MAP2K3: variants seen among roughly 807,000 people sequenced by gnomAD.
MAP2K3 encodes the protein mitogen-activated protein kinase kinase 3, also known as dual specificity mitogen-activated protein kinase kinase 3.
Under a neutral mutation model 46.4 loss-of-function variants are expected in MAP2K3, and 30 were observed. That is an observed-to-expected ratio of 0.65 (90% CI 0.48 to 0.88). The LOEUF is 0.88. Ranked by LOEUF, MAP2K3 falls within the 40% of genes least tolerant of loss-of-function variation. The pLI is 0.00. For missense variants in MAP2K3, 380 were observed against 464.5 expected (o/e 0.82, Z 1.67); for synonymous variants, 189 against 176.3 (o/e 1.07, Z -0.57).
At chr17:21,306,858 T>C (rs1976912589) in intron 9 of MAP2K3, among the ~76,000 whole-genome samples, 3 of 152,426 alleles carry the variant, frequency 2.0e-5, no homozygotes, top group Middle Eastern at 3.4e-3. Flanking sequence ...TCATCGCAGC[T>C]CACTGCAGCC....
rs1225524972 is a variant in MAP2K3 at position 21,300,817 on chromosome 17, G to A, written c.280-57G>A. 2 of 1,613,060 alleles carry A rather than the reference G, an allele frequency of 1.2e-6. No individual in the cohort carries two copies. Among genetic ancestry groups the A allele is most frequent in the African/African-American group, 2.7e-5 (2 of 74,964 alleles). ...CCTGAGCTCCTGGCCCTCCTGTCAT[G>A]AGTGTGGGTGTTGGCCTCTGCCACG... is the stretch of plus-strand genomic sequence containing the variant. On this transcript the variant is annotated intron_variant, in intron 4 of 11. Transcript: ENST00000342679.
rs1484915661 is a variant in MAP2K3 at position 21,314,631 on chromosome 17, G to A, written c.*401G>A. ...AAGTTGTATATTTTTTTAATCTCTC[G>A]ACTGAATGGACTTTGCACACTTTGG... On this transcript the variant is annotated 3_prime_UTR_variant, in exon 12 of 12. Coordinates refer to ENST00000342679, the MANE Select transcript of MAP2K3 (RefSeq NM_145109.3). The A allele has an allele frequency of 9.7e-6, 2 of 205,664 alleles. No homozygotes were observed. Among genetic ancestry groups the A allele is most frequent in the East Asian group, 2.6e-4 (2 of 7,588 alleles). The allele number at this position is 205,664 out of a possible 1,614,324, so 12.7% of individuals were successfully genotyped here.
chr17:21,298,512 C>A, intron 2 of MAP2K3, 33 bp downstream of exon 2: 1 of 1,614,272 alleles, frequency 6.2e-7, no homozygotes, highest in South Asian at 1.1e-5. Context: ...CTGGCTCACC[C>A]TGGAGAGGCT....
chr17:21,308,782 A>C (rs1977023814), intron 9 of MAP2K3, among the ~76,000 whole-genome samples: 1 of 152,076 alleles, frequency 6.6e-6, no homozygotes, highest in African/African-American at 2.4e-5. Context: ...ACACATACAC[A>C]CACCCTATGT....
intron 1 of MAP2K3, among the ~76,000 whole-genome samples, chr17:21,291,067 C>T (rs1975894978): frequency 6.6e-6 from 1 of 152,308 alleles, no homozygotes; most frequent in African/African-American, 2.4e-5. Flanking sequence ...ACGGTAAAAC[C>T]CCGTCTCTAC....
At chr17:21,308,921 T>A (rs554219865) in intron 9 of MAP2K3, among the ~76,000 whole-genome samples, 1 of 152,420 alleles carries the variant, frequency 6.6e-6, no homozygotes, top group East Asian at 1.9e-4. Context: ...ATATTTCAGT[T>A]ATCAAATATT....
intron 9 of MAP2K3, among the ~76,000 whole-genome samples, chr17:21,307,884 T>G (rs1976975086): frequency 6.8e-6 from 1 of 146,694 alleles, no homozygotes; most frequent in Admixed American, 7.1e-5. Flanking sequence ...GAGACGGAGT[T>G]GCACTCTGTT....
At chr17:21,291,728 G>A (rs1161976570) in intron 1 of MAP2K3, 2 of 379,672 alleles carry the variant, frequency 5.3e-6, no homozygotes, top group African/African-American at 4.2e-5. Flanking sequence ...GACTTGTTTG[G>A]TCTTCACGGC....
At position 21,312,131 on chromosome 17, in the gene MAP2K3, C is replaced by T; in HGVS notation, c.775-11C>T. On this transcript the variant is annotated splice_polypyrimidine_tract_variant and intron_variant, in intron 9 of 11. Transcript: ENST00000342679. ...GGGGCCGGGGCCTCTGACCCCCTGT[C>T]CCCGCTGCAGATTGAGATGGCCATC... 1 of 1,526,636 alleles carries T rather than the reference C, an allele frequency of 6.6e-7. No homozygotes were observed. The highest frequency in any genetic ancestry group is 8.8e-7 in the Non-Finnish European group (1 of 1,139,848). The allele number at this position is 1,526,636 out of a possible 1,614,324, so 94.6% of individuals were successfully genotyped here. A position where few individuals can be genotyped will look rare whatever the true frequency, so the allele number is the denominator to read the frequency against.
intron 1 of MAP2K3, among the ~76,000 whole-genome samples, chr17:21,295,068 A>T (rs62056457): frequency 0.16 from 22,384 of 142,834 alleles, no homozygotes; most frequent in Non-Finnish European, 0.19. Context: ...GCCTCTCTGA[A>T]CTGGTGAAAG....
At chr17:21,292,379 T>C (rs1440394214) in intron 1 of MAP2K3, among the ~76,000 whole-genome samples, 2 of 152,342 alleles carry the variant, frequency 1.3e-5, no homozygotes, top group Admixed American at 6.5e-5. Context: ...TTTCTTTCCT[T>C]CTTCTTCTCA....
At position 21,302,252 on chromosome 17, in the gene MAP2K3, CTG is replaced by C; in HGVS notation, c.513_514del (p.Ser172TyrfsTer36). On this transcript the variant is annotated frameshift_variant, in exon 6 of 12. Transcript: ENST00000342679. LOFTEE classifies it high-confidence loss of function. ...CCAGAGGACATCCTTGGGGAGATTG[CTG>C]TGTCTGTGAGTGGCCTGGGTGGGCT... is the stretch of plus-strand genomic sequence containing the variant. 1 of 1,439,850 alleles carries C rather than the reference CTG, an allele frequency of 6.9e-7. No individual in the cohort carries two copies. The highest frequency in any genetic ancestry group is 9.4e-7 in the Non-Finnish European group (1 of 1,064,032). 89.2% of individuals were successfully genotyped at this position (1,439,850 alleles called of 1,614,324 possible).
intron 1 of MAP2K3, among the ~76,000 whole-genome samples, chr17:21,294,688 G>C (rs1436798759): frequency 1.3e-5 from 2 of 152,306 alleles, no homozygotes; most frequent in African/African-American, 4.8e-5. Flanking sequence ...GTCACTGAGA[G>C]GGTGGACAGG....
At chr17:21,301,049 G>C in intron 5 of MAP2K3, 56 bp downstream of exon 5, 1 of 1,612,596 alleles carries the variant, frequency 6.2e-7, no homozygotes, top group East Asian at 2.2e-5. Flanking sequence ...TCAGTCGCCT[G>C]CAACCCACTG....
chr17:21,306,216 A>G (rs1976884984), intron 9 of MAP2K3, among the ~76,000 whole-genome samples: 1 of 152,210 alleles, frequency 6.6e-6, no homozygotes, highest in Non-Finnish European at 1.5e-5. Flanking sequence ...CGGGTCTCCC[A>G]TACTACTGGA....
intron 1 of MAP2K3, among the ~76,000 whole-genome samples, chr17:21,288,919 G>A (rs1275834634): frequency 6.6e-6 from 1 of 152,252 alleles, no homozygotes; most frequent in Non-Finnish European, 1.5e-5. Context: ...GCCCTCTTTA[G>A]CCCTCAGTCT....
intron 1 of MAP2K3, among the ~76,000 whole-genome samples, chr17:21,292,157 G>T (rs1975974707): frequency 6.6e-6 from 1 of 152,310 alleles, no homozygotes; most frequent in Non-Finnish European, 1.5e-5. Flanking sequence ...AGCCTGAGCA[G>T]CCTGCTGCGG....
intron 6 of MAP2K3, 28 bp downstream of exon 6, chr17:21,302,287 G>A (rs1393813594): frequency 1.3e-5 from 21 of 1,568,214 alleles, no homozygotes; most frequent in Non-Finnish European, 1.8e-5. Context: ...GCTGGCGGGG[G>A]GTCCTAGGTG....
chr17:21,308,305 G>A (rs1397305598), intron 9 of MAP2K3, among the ~76,000 whole-genome samples: 1 of 152,152 alleles, frequency 6.6e-6, no homozygotes, highest in Non-Finnish European at 1.5e-5. Flanking sequence ...TTGCCACCAT[G>A]CCCGGCTAAT....
Sources: gnomAD v4.1 joint callset for allele counts (sites outside exome capture counted in the v4.1 genomes callset) on GRCh38, gnomAD v4.1.1 for gene constraint, MANE v1.5 for transcripts, NCBI Gene and HGNC (gene_info 2026-07-23, HGNC 2026-07-21) for gene names.